The following PPIA variants were observed in gnomAD, a reference collection of about 807,000 sequenced individuals.
PPIA encodes peptidyl-prolyl cis-trans isomerase A.
PPIA carries 2 observed loss-of-function variants against 15.3 expected under a neutral mutation model. The observed-to-expected ratio is 0.13, with a 90% confidence interval of 0.05 to 0.41. PPIA has a LOEUF of 0.41. Among genes scored for constraint, PPIA ranks in the 10% least tolerant of loss-of-function variants. PPIA has a pLI of 0.99. For synonymous variants in PPIA, 67 were observed against 73.1 expected (o/e 0.92, Z 0.43); for missense variants, 103 against 210.3 (o/e 0.49, Z 3.16).
At chr7:44,798,363 A>T (rs1192727815) in intron 1 of PPIA, 1 of 152,178 alleles carries the variant, frequency 6.6e-6, no homozygotes, top group African/African-American at 2.4e-5. Flanking sequence ...AAATACAAAA[A>T]TTAGCTGGGC....
rs369225394 is a variant in PPIA at position 44,796,697 on chromosome 7, C to G, written c.-28C>G. The G allele has an allele frequency of 6.2e-7, 1 of 1,607,210 alleles. No homozygotes were observed. The highest frequency in any genetic ancestry group is 1.7e-5 in the Admixed American group (1 of 59,962). On this transcript the variant is annotated 5_prime_UTR_variant, in exon 1 of 5. Coordinates refer to ENST00000468812, the MANE Select transcript of PPIA (RefSeq NM_021130.5). ...GCTCGTGCCGTTTTGCAGACGCCACCGCCGAGGAAAACCGTGTACTATTAG... is the reference window on the plus strand; with the variant it reads ...GCTCGTGCCGTTTTGCAGACGCCACGGCCGAGGAAAACCGTGTACTATTAG...
rs1792588555 is a variant in PPIA, at chr7:44,802,189, T to TTC, written c.*768_*769insCT. ...TCTGTTGCGGTTTTTTTTTTTTTTT[T>TTC]TTCCCCTGGAATGCAGTGGCGTGAT... On this transcript the variant is annotated 3_prime_UTR_variant, in exon 5 of 5. Coordinates refer to ENST00000468812, the MANE Select transcript of PPIA (RefSeq NM_021130.5). 6.6e-6 allele frequency: 1 copy of TTC among 151,452 alleles called. No individual in the cohort carries two copies. Among genetic ancestry groups the TTC allele is most frequent in the African/African-American group, 2.4e-5 (1 of 41,058 alleles). 9.4% of individuals were successfully genotyped at this position (151,452 alleles called of 1,614,324 possible). A position where few individuals can be genotyped will look rare whatever the true frequency, so the allele number is the denominator to read the frequency against.
Position 44,799,386 on chromosome 7 carries a change from A to T in PPIA, c.101-6A>T. 2 of 1,610,788 alleles carry T rather than the reference A, an allele frequency of 1.2e-6. No individual in the cohort carries two copies. The highest frequency in any genetic ancestry group is 2.2e-5 in the East Asian group (1 of 44,868). On this transcript the variant is annotated splice_region_variant and splice_polypyrimidine_tract_variant and intron_variant, in intron 2 of 4. Transcript: ENST00000468812. ...GTATATATGTGTTTAATTTTTTTTTAAACAGAAAATTTTCGTGCTCTGAGC... is the reference window on the plus strand; with the variant it reads ...GTATATATGTGTTTAATTTTTTTTTTAACAGAAAATTTTCGTGCTCTGAGC...
chr7:44,796,810 C>A lies in PPIA; in HGVS notation c.69+17C>A. 1.3e-6 allele frequency: 2 copies of A among 1,595,762 alleles called. No individual in the cohort carries two copies. Among genetic ancestry groups the A allele is most frequent in the South Asian group, 2.2e-5 (2 of 90,366 alleles). ...TCCTTTGAGGTCGGGCGGGCGGCGG[C>A]GTGCGGGAATGGGGCCCAGAAAGTG... On this transcript the variant is annotated intron_variant, in intron 1 of 4. Coordinates refer to ENST00000468812, the MANE Select transcript of PPIA (RefSeq NM_021130.5).
Position 44,799,423 on chromosome 7 carries a change from A to G in PPIA, c.132A>G (p.Lys44=), listed in dbSNP as rs749593326. Residue 44 remains lysine (K), a synonymous_variant, in exon 3 of 5, where the codon AAA becomes AAG. Transcript: ENST00000468812. ...TTCGTGCTCTGAGCACTGGAGAGAA[A>G]GGATTTGGTTATAAGGGTTCCTGCT... ...ENFRALSTGE[K]GFGYKGSCFH... is the part of the protein sequence containing the mutation. The G allele has an allele frequency of 1.9e-6, 3 of 1,613,202 alleles. No individual in the cohort carries two copies. The highest frequency in any genetic ancestry group is 2.5e-6 in the Non-Finnish European group (3 of 1,179,976).
chr7:44,800,276 A>G (rs1233807499), intron 4 of PPIA: 2 of 191,144 alleles, frequency 1.0e-5, no homozygotes, highest in Admixed American at 5.4e-5. Flanking sequence ...TTTTGTGGAG[A>G]CGGGGTTTCA....
intron 4 of PPIA, 148 bp downstream of exon 4, chr7:44,800,022 A>C (rs1214409704): frequency 6.4e-6 from 5 of 776,182 alleles, no homozygotes; most frequent in Non-Finnish European, 6.1e-6. Flanking sequence ...ATAAACGACA[A>C]ATATAGCCAA....
intron 1 of PPIA, 119 bp downstream of exon 1, chr7:44,796,912 G>C (rs913229307): frequency 8.9e-7 from 1 of 1,124,380 alleles, no homozygotes; most frequent in Non-Finnish European, 1.2e-6. Flanking sequence ...GAGCGCGGGC[G>C]GGCTGCGGCG....
At chr7:44,800,857 G>A (rs902698069) in intron 4 of PPIA, among the ~76,000 whole-genome samples, 5 of 151,522 alleles carry the variant, frequency 3.3e-5, no homozygotes, top group East Asian at 1.9e-4. Context: ...TCGCTCTGTC[G>A]CCCAGGCTGG....
In PPIA at chr7:44,800,008, A is replaced by G; in HGVS notation, c.362+134A>G. On this transcript the variant is annotated intron_variant, in intron 4 of 4. Coordinates refer to ENST00000468812, the MANE Select transcript of PPIA (RefSeq NM_021130.5). The stretch of plus-strand genomic sequence containing the variant: ...ATCCCTAAGATACTAGAAGAAGAGC[A>G]TACATAAACGACAAATATAGCCAAT... 1.1e-5 allele frequency: 10 copies of G among 921,576 alleles called. No individual in the cohort carries two copies. The South Asian group carries it at 1.6e-4, about 15-fold the overall frequency. The allele number at this position is 921,576 out of a possible 1,614,324, so 57.1% of individuals were successfully genotyped here. A position where few individuals can be genotyped will look rare whatever the true frequency, so the allele number is the denominator to read the frequency against.
rs756501298 is a variant in PPIA at position 44,796,695 on chromosome 7, A to G, written c.-30A>G. 6.2e-7 allele frequency: 1 copy of G among 1,606,694 alleles called. No individual in the cohort carries two copies. Among genetic ancestry groups the G allele is most frequent in the Non-Finnish European group, 8.5e-7 (1 of 1,176,200 alleles). ...AGGCTCGTGCCGTTTTGCAGACGCC[A>G]CCGCCGAGGAAAACCGTGTACTATT... On this transcript the variant is annotated 5_prime_UTR_variant, in exon 1 of 5. Coordinates refer to ENST00000468812, the MANE Select transcript of PPIA (RefSeq NM_021130.5).
intron 1 of PPIA, among the ~76,000 whole-genome samples, chr7:44,797,470 G>GA (rs1028596903): frequency 8.5e-5 from 13 of 152,192 alleles, no homozygotes; most frequent in African/African-American, 3.1e-4. Flanking sequence ...GCGGAAATGT[G>GA]AAAATGGGCC....
chr7:44,800,017 C>T (rs6463247), intron 4 of PPIA, 143 bp downstream of exon 4: 630,062 of 851,794 alleles, frequency 0.74, 247,805 homozygotes, highest in Non-Finnish European at 0.83. Flanking sequence ...CATACATAAA[C>T]GACAAATATA....
In PPIA at chr7:44,801,532, C is replaced by T. The variant is rs1377654230; in HGVS notation, c.*110C>T. ...TCCTAGAATCTTTGTGCTCTCGCTG[C>T]AGTTCCCTTTGGGTTCCATGTTTTC... On this transcript the variant is annotated 3_prime_UTR_variant, in exon 5 of 5. Transcript: ENST00000468812. The T allele has an allele frequency of 3.0e-6, 2 of 675,116 alleles. No individual in the cohort carries two copies. Among genetic ancestry groups the T allele is most frequent in the Non-Finnish European group, 4.9e-6 (2 of 404,794 alleles). 41.8% of individuals were successfully genotyped at this position (675,116 alleles called of 1,614,324 possible).
intron 1 of PPIA, chr7:44,798,771 G>A (rs1792458589): frequency 1.0e-6 from 1 of 988,614 alleles, no homozygotes; most frequent in African/African-American, 1.7e-5. Context: ...ATACCAAGAA[G>A]TGACTGCTCA....
intron 1 of PPIA, 172 bp from the exon 2 acceptor site, chr7:44,799,075 C>G: frequency 1.9e-6 from 2 of 1,075,514 alleles, no homozygotes; most frequent in African/African-American, 1.6e-5. Flanking sequence ...TGTTTCTTAA[C>G]CCAACTGCCT....
At chr7:44,799,323 G>A (rs1193805489) in intron 2 of PPIA, 46 bp downstream of exon 2, 10 of 1,608,086 alleles carry the variant, frequency 6.2e-6, no homozygotes, top group African/African-American at 1.3e-5. Context: ...AATTGTGACA[G>A]TTTGTGTGTG....
At chr7:44,801,161 G>A in intron 4 of PPIA, 126 bp from the exon 5 acceptor site, 1 of 1,125,768 alleles carries the variant, frequency 8.9e-7, no homozygotes, top group Non-Finnish European at 1.2e-6. Context: ...CATGTTTAAT[G>A]ACATTTAGTA....
intron 3 of PPIA, 49 bp from the exon 4 acceptor site, chr7:44,799,653 A>T (rs1420518432): frequency 6.2e-7 from 1 of 1,610,206 alleles, no homozygotes; most frequent in African/African-American, 1.3e-5. Flanking sequence ...GATTTGGCAC[A>T]CTTCATGGTT....
Sources: allele counts gnomAD v4.1 joint callset (sites outside exome capture counted in the v4.1 genomes callset), GRCh38; gene constraint gnomAD v4.1.1; transcripts MANE v1.5; gene names NCBI Gene and HGNC (gene_info 2026-07-23, HGNC 2026-07-21).